GMDS: variants seen among roughly 807,000 people sequenced by gnomAD.
GMDS encodes GDP-mannose 4,6 dehydratase.
A neutral mutation model predicts 49.9 loss-of-function variants in GMDS; 20 were observed. The ratio of observed to expected loss-of-function variants is 0.40; its 90% CI spans 0.28 to 0.58. The LOEUF is 0.58. GMDS is among the 20% of genes least tolerant of loss of function. The pLI is 0.42. For missense variants in GMDS, 362 were observed against 481.4 expected, an observed-to-expected ratio of 0.75 and a Z score of 2.32; for synonymous variants, 177 against 178.6, an observed-to-expected ratio of 0.99 and a Z score of 0.07.
chr6:1,795,261 C>T (rs935575653), intron 7 of GMDS, among the ~76,000 whole-genome samples: 1 of 152,180 alleles, frequency 6.6e-6, no homozygotes, highest in Non-Finnish European at 1.5e-5. Context: ...TAGACTTCTA[C>T]ATGCTACCAA....
intron 9 of GMDS, among the ~76,000 whole-genome samples, chr6:1,626,747 T>A (rs1277066211): frequency 6.6e-6 from 1 of 152,232 alleles, no homozygotes; most frequent in African/African-American, 2.4e-5. Context: ...CTTCAAATAA[T>A]CTTGGTAGGC....
chr6:1,802,832 T>C, intron 7 of GMDS, among the ~76,000 whole-genome samples: 1 of 152,244 alleles, frequency 6.6e-6, no homozygotes, highest in East Asian at 1.9e-4. Flanking sequence ...TTCCTTTTAT[T>C]TCCTGTCTGT....
At chr6:1,990,186 C>T (rs983325346) in intron 4 of GMDS, among the ~76,000 whole-genome samples, 1 of 152,174 alleles carries the variant, frequency 6.6e-6, no homozygotes, top group Non-Finnish European at 1.5e-5. Context: ...GTCCCAGCTA[C>T]CCAGGAGACT....
chr6:2,020,082 A>G (rs1268280648), intron 4 of GMDS, among the ~76,000 whole-genome samples: 2 of 152,306 alleles, frequency 1.3e-5, no homozygotes, highest in East Asian at 3.9e-4. Flanking sequence ...ATTTGAAACC[A>G]TATGTTTAAC....
intron 1 of GMDS, among the ~76,000 whole-genome samples, chr6:2,133,827 G>A (rs1426983249): frequency 6.6e-6 from 1 of 152,126 alleles, no homozygotes; most frequent in Non-Finnish European, 1.5e-5. Context: ...AGTGCCCAAG[G>A]ATATATCAAA....
At chr6:1,789,532 C>CTTT (rs59996305) in intron 7 of GMDS, among the ~76,000 whole-genome samples, 2 of 141,268 alleles carry the variant, frequency 1.4e-5, no homozygotes, top group Admixed American at 7.0e-5. Flanking sequence ...TTTCTTTTTT[C>CTTT]TTTTTTTTTT....
chr6:2,147,817 G>T (rs1776640933), intron 1 of GMDS, among the ~76,000 whole-genome samples: 1 of 149,296 alleles, frequency 6.7e-6, no homozygotes, highest in Non-Finnish European at 1.5e-5. Context: ...CCTAGTACAT[G>T]CTTTAAATTT....
In GMDS at chr6:1,682,821, G is replaced by A. The variant is rs1388123537; in HGVS notation, c.987+43595C>T. Among the ~76,000 whole-genome samples the A allele has an allele frequency of 1.4e-5, 2 of 141,948 alleles. 1 individual carries two copies. Among genetic ancestry groups the A allele is most frequent in the Admixed American group, 1.4e-4 (2 of 14,142 alleles). The allele number at this position is 141,948 out of a possible 152,430, so 93.1% of individuals were successfully genotyped here. A position where few individuals can be genotyped will look rare whatever the true frequency, so the allele number is the denominator to read the frequency against. ...CCTGACCTCGTGATCCGCCCGCCTC[G>A]GCCTCCCAAAGTGCTGGGATTACAG... On this transcript the variant is annotated intron_variant, in intron 9 of 10. Coordinates refer to ENST00000380815, the MANE Select transcript of GMDS (RefSeq NM_001500.4).
At chr6:1,862,876 G>A (rs564747807) in intron 7 of GMDS, among the ~76,000 whole-genome samples, 9 of 152,254 alleles carry the variant, frequency 5.9e-5, no homozygotes, top group Non-Finnish European at 1.2e-4. Flanking sequence ...AGTCTTTCAA[G>A]CAACATTGTC....
chr6:1,933,653 C>A (rs968282605), intron 6 of GMDS, among the ~76,000 whole-genome samples: 1 of 152,184 alleles, frequency 6.6e-6, no homozygotes, highest in Admixed American at 6.5e-5. Flanking sequence ...TGCCTACTGG[C>A]CACTTGTATA....
In GMDS at chr6:1,691,868, G is replaced by A. The variant is rs370114672; in HGVS notation, c.987+34548C>T. Among the ~76,000 whole-genome samples, 3 of 152,110 alleles carry A rather than the reference G, an allele frequency of 2.0e-5. No homozygotes were observed. In the East Asian group the frequency reaches 5.8e-4, roughly 29 times the overall value. On this transcript the variant is annotated intron_variant, in intron 9 of 10. Coordinates refer to ENST00000380815, the MANE Select transcript of GMDS (RefSeq NM_001500.4). ...GTGCAGTTTTTTTCATGTTTCTTTTGTTGGGATTTGTGGTGGTTAATACTG... is the reference window on the plus strand; with the variant it reads ...GTGCAGTTTTTTTCATGTTTCTTTTATTGGGATTTGTGGTGGTTAATACTG...
At chr6:1,876,646 C>T (rs1341466280) in intron 7 of GMDS, among the ~76,000 whole-genome samples, 1 of 152,118 alleles carries the variant, frequency 6.6e-6, no homozygotes, top group Non-Finnish European at 1.5e-5. Flanking sequence ...GCTATTGTGA[C>T]AACTGATGAA....
Position 2,000,528 on chromosome 6 carries a change from T to C in GMDS, c.346-39562A>G, listed in dbSNP as rs75080520. ...ACCTATTTTGGACATTTCATGTAAA[T>C]GTGGTCTTTTGTAAGCTACCTCTTT... On this transcript the variant is annotated intron_variant, in intron 4 of 10. Coordinates refer to ENST00000380815, the MANE Select transcript of GMDS (RefSeq NM_001500.4). Among the ~76,000 whole-genome samples, 733 of 152,328 alleles carry C rather than the reference T, an allele frequency of 4.8e-3. 4 individuals are homozygous for C. The highest frequency in any genetic ancestry group is 0.016 in the African/African-American group (682 of 41,572).
intron 1 of GMDS, among the ~76,000 whole-genome samples, chr6:2,177,125 C>G (rs1778319131): frequency 6.6e-6 from 1 of 152,048 alleles, no homozygotes; most frequent in Non-Finnish European, 1.5e-5. Flanking sequence ...TTTTCCTGTT[C>G]AGAGACTAAG....
chr6:2,219,444 T>G (rs1164759044), intron 1 of GMDS, among the ~76,000 whole-genome samples: 1 of 152,154 alleles, frequency 6.6e-6, no homozygotes, highest in Non-Finnish European at 1.5e-5. Context: ...TTACACAGGA[T>G]CCTCTAAACC....
intron 9 of GMDS, among the ~76,000 whole-genome samples, chr6:1,646,448 T>TG (rs1393153187): frequency 6.6e-6 from 1 of 152,252 alleles, no homozygotes; most frequent in African/African-American, 2.4e-5. Context: ...AGACAGGGTC[T>TG]GGCTCTGTCA....
intron 1 of GMDS, among the ~76,000 whole-genome samples, chr6:2,167,923 TAA>T (rs1777750185): frequency 6.6e-6 from 1 of 152,212 alleles, no homozygotes; most frequent in Non-Finnish European, 1.5e-5. Flanking sequence ...AGGCAGTCAA[TAA>T]GTACTGCTTA....
At chr6:2,199,989 C>T (rs1457773044) in intron 1 of GMDS, among the ~76,000 whole-genome samples, 1 of 152,148 alleles carries the variant, frequency 6.6e-6, no homozygotes, top group Admixed American at 6.5e-5. Flanking sequence ...AGAAACATTA[C>T]AGGATTGTAT....
At chr6:1,737,585 A>C (rs1475498854) in intron 8 of GMDS, among the ~76,000 whole-genome samples, 1 of 149,628 alleles carries the variant, frequency 6.7e-6, no homozygotes, top group African/African-American at 2.5e-5. Context: ...ACAAAAATAC[A>C]CACACATACA....
Sources: gnomAD v4.1 joint callset for allele counts (sites outside exome capture counted in the v4.1 genomes callset) on GRCh38, gnomAD v4.1.1 for gene constraint, MANE v1.5 for transcripts, NCBI Gene and HGNC (gene_info 2026-07-23, HGNC 2026-07-21) for gene names.